BNC2: variants seen among roughly 807,000 people sequenced by gnomAD.
BNC2 encodes the protein basonuclin zinc finger protein 2.
A neutral mutation model predicts 76.3 loss-of-function variants in BNC2; 20 were observed. The ratio of observed to expected loss-of-function variants is 0.26; its 90% CI spans 0.18 to 0.38. BNC2 has a LOEUF of 0.38. Ranked by LOEUF, BNC2 falls within the 10% of genes least tolerant of loss-of-function variation. BNC2 has a pLI of 1.00. For synonymous variants in BNC2, 582 were observed against 514.8 expected (o/e 1.13, Z -1.77); for missense variants, 1,382 against 1,399.8 (o/e 0.99, Z 0.20).
At chr9:16,850,475 A>G (rs1429545048) in intron 1 of BNC2, among the ~76,000 whole-genome samples, 1 of 152,252 alleles carries the variant, frequency 6.6e-6, no homozygotes, top group Non-Finnish European at 1.5e-5. Context: ...TCTTCCAACA[A>G]TGCTACCATT....
At chr9:16,853,938 T>G (rs1819191452) in intron 1 of BNC2, among the ~76,000 whole-genome samples, 2 of 152,210 alleles carry the variant, frequency 1.3e-5, no homozygotes, top group South Asian at 4.1e-4. Flanking sequence ...ATTCTCACAT[T>G]ACATGCTTGT....
chr9:16,728,057 A>G, intron 2 of BNC2, 60 bp from the exon 3 acceptor site: 2 of 1,224,672 alleles, frequency 1.6e-6, no homozygotes, highest in Non-Finnish European at 2.3e-6. Context: ...AGTGTAGTGT[A>G]GTTAAGAAGC....
At chr9:16,718,377 A>C (rs1325284220) in intron 3 of BNC2, among the ~76,000 whole-genome samples, 4 of 151,502 alleles carry the variant, frequency 2.6e-5, no homozygotes, top group African/African-American at 9.7e-5. Flanking sequence ...AAATGAAAAA[A>C]CTCCTCTCCA....
intron 5 of BNC2, among the ~76,000 whole-genome samples, chr9:16,501,654 G>A (rs1822521619): frequency 6.6e-6 from 1 of 152,078 alleles, no homozygotes; most frequent in Admixed American, 6.6e-5. Flanking sequence ...CTTATCCTGA[G>A]ATACATAGAA....
At chr9:16,697,583 T>C (rs1161920353) in intron 3 of BNC2, among the ~76,000 whole-genome samples, 10 of 138,448 alleles carry the variant, frequency 7.2e-5, no homozygotes, top group Non-Finnish European at 1.6e-4. Context: ...AGGCTGGGTA[T>C]GGTGGCACAT....
chr9:16,646,097 G>GT (rs1402551104), intron 3 of BNC2, among the ~76,000 whole-genome samples: 1 of 152,178 alleles, frequency 6.6e-6, no homozygotes, highest in Non-Finnish European at 1.5e-5. Context: ...GTTTCACAAC[G>GT]TAAGTGAGGA....
chr9:16,709,477 T>C (rs908362393), intron 3 of BNC2, among the ~76,000 whole-genome samples: 1 of 152,076 alleles, frequency 6.6e-6, no homozygotes, highest in African/African-American at 2.4e-5. Flanking sequence ...CTTATCAAAA[T>C]AGGAAGGGAA....
intron 3 of BNC2, among the ~76,000 whole-genome samples, chr9:16,631,793 G>C (rs942098181): frequency 2.0e-5 from 3 of 152,144 alleles, no homozygotes; most frequent in Admixed American, 1.3e-4. Flanking sequence ...GAGATTTCCA[G>C]AGAAACAGAA....
chr9:16,865,679 G>C (rs1276416431), intron 1 of BNC2, among the ~76,000 whole-genome samples: 1 of 151,996 alleles, frequency 6.6e-6, no homozygotes, highest in Non-Finnish European at 1.5e-5. Context: ...AGAGAAAATA[G>C]AGCAAAAAGA....
At position 16,515,944 on chromosome 9, in the gene BNC2, G is replaced by GAAA. The variant is rs3055130; in HGVS notation, c.669+36583_669+36585dup. Among the ~76,000 whole-genome samples the GAAA allele has an allele frequency of 5.6e-4, 81 of 145,472 alleles. 2 individuals carry two copies. The South Asian group carries it at 9.0e-3, about 16-fold the overall frequency. ...TTGAGAGGAAAACACTTCCAAAAGG[G>GAAA]AAAAAAAAAAAAGTCAGACTGCCAC... On this transcript the variant is annotated intron_variant, in intron 5 of 6. Transcript: ENST00000380672.
At chr9:16,684,968 T>C (rs1822932893) in intron 3 of BNC2, among the ~76,000 whole-genome samples, 1 of 152,114 alleles carries the variant, frequency 6.6e-6, no homozygotes, top group African/African-American at 2.4e-5. Context: ...TTCCAACGCA[T>C]GAAGACAGAA....
intron 4 of BNC2, among the ~76,000 whole-genome samples, chr9:16,559,268 T>A (rs1818938225): frequency 6.6e-6 from 1 of 152,020 alleles, no homozygotes; most frequent in Admixed American, 6.6e-5. Context: ...TAAATGAGAT[T>A]TTTTTTTGCC....
intron 5 of BNC2, among the ~76,000 whole-genome samples, chr9:16,501,407 C>A (rs966136390): frequency 6.6e-6 from 1 of 152,150 alleles, no homozygotes; most frequent in Admixed American, 6.5e-5. Flanking sequence ...TTTTATATAA[C>A]CTTCTCAAAG....
chr9:16,509,532 G>A lies in BNC2; in HGVS notation c.669+42998C>T, dbSNP rs117964497. Among the ~76,000 whole-genome samples, 796 of 152,178 alleles carry A rather than the reference G, an allele frequency of 5.2e-3. 6 individuals carry two copies. The highest frequency in any genetic ancestry group is 0.02 in the Middle Eastern group (6 of 294). ...TCTAAAACAGTATTAAGAAACAACCGACTCCTCTGTGCATATCCATCCCAG... is the reference window on the plus strand; with the variant it reads ...TCTAAAACAGTATTAAGAAACAACCAACTCCTCTGTGCATATCCATCCCAG... On this transcript the variant is annotated intron_variant, in intron 5 of 6. Transcript: ENST00000380672.
chr9:16,548,696 C>T (rs965623551), intron 5 of BNC2, among the ~76,000 whole-genome samples: 6 of 152,188 alleles, frequency 3.9e-5, no homozygotes, highest in South Asian at 4.1e-4. Flanking sequence ...TGAGCCACCA[C>T]GCCTGGCCAG....
intron 3 of BNC2, among the ~76,000 whole-genome samples, chr9:16,711,704 T>G (rs1823852009): frequency 6.6e-6 from 1 of 152,250 alleles, no homozygotes; most frequent in African/African-American, 2.4e-5. Context: ...ACTGATTTCA[T>G]TCTATTATTC....
intron 3 of BNC2, among the ~76,000 whole-genome samples, chr9:16,617,527 G>GAA (rs56667008): frequency 1.4e-5 from 2 of 138,042 alleles, no homozygotes; most frequent in Non-Finnish European, 1.6e-5. Flanking sequence ...ACAGATGGAG[G>GAA]AAAAAAAAAA....
chr9:16,435,403 C>T lies in BNC2; in HGVS notation c.2639+152G>A, dbSNP rs189227968. 5.3e-6 allele frequency: 5 copies of T among 935,612 alleles called. No individual in the cohort carries two copies. The East Asian group carries it at 1.0e-4, about 19-fold the overall frequency. The allele number at this position is 935,612 out of a possible 1,614,324, so 58.0% of individuals were successfully genotyped here. A position where few individuals can be genotyped will look rare whatever the true frequency, so the allele number is the denominator to read the frequency against. On this transcript the variant is annotated intron_variant, in intron 6 of 6. Transcript: ENST00000380672. ...ACCAACTGCAACAATCCTTCATGAGCATGGCAGCCTAGTTATCACATGATC... is the reference window on the plus strand; with the variant it reads ...ACCAACTGCAACAATCCTTCATGAGTATGGCAGCCTAGTTATCACATGATC...
chr9:16,865,051 A>G (rs1819509659), intron 1 of BNC2, among the ~76,000 whole-genome samples: 4 of 151,520 alleles, frequency 2.6e-5, no homozygotes, highest in Non-Finnish European at 4.4e-5. Flanking sequence ...AAAAAAAAAA[A>G]AGACACTGAA....
Sources: gnomAD v4.1 joint callset for allele counts (sites outside exome capture counted in the v4.1 genomes callset) on GRCh38, gnomAD v4.1.1 for gene constraint, MANE v1.5 for transcripts, NCBI Gene and HGNC (gene_info 2026-07-23, HGNC 2026-07-21) for gene names.